The following DNM1L variants were observed in gnomAD, a reference collection of about 807,000 sequenced individuals.
DNM1L encodes dynamin-1-like protein.
A neutral mutation model predicts 92.8 loss-of-function variants in DNM1L; 33 were observed. The observed-to-expected ratio is 0.36, with a 90% CI of 0.27 to 0.48. DNM1L has a LOEUF of 0.48. Among genes scored for constraint, DNM1L ranks in the 20% least tolerant of loss-of-function variants. DNM1L has a pLI of 0.99. For synonymous variants in DNM1L, 284 were observed against 305.0 expected (o/e 0.93, Z 0.72); for missense variants, 485 against 888.8 (o/e 0.55, Z 5.78).
Position 32,731,657 on chromosome 12 carries a change from T to A in DNM1L, c.1356+146T>A. The A allele has an allele frequency of 6.2e-6, 7 of 1,132,628 alleles. No homozygotes were observed. The highest frequency in any genetic ancestry group is 8.9e-6 in the Non-Finnish European group (7 of 784,994). 70.2% of individuals were successfully genotyped at this position (1,132,628 alleles called of 1,614,324 possible). Reference sequence around the variant, plus strand: ...CTGAAAGTGATTTGAAATAGGATTCTTAAATGTAGTCTCCAAATTGAATTC... The same window carrying A: ...CTGAAAGTGATTTGAAATAGGATTCATAAATGTAGTCTCCAAATTGAATTC... On this transcript the variant is annotated intron_variant, in intron 11 of 19. Coordinates refer to ENST00000549701, the MANE Select transcript of DNM1L (RefSeq NM_012062.5). The surrounding 1 kb of genome is among the most constrained non-coding windows in gnomAD (Gnocchi z 5.1).
At position 32,685,088 on chromosome 12, in the gene DNM1L, C is replaced by T. The variant is rs1012894427; in HGVS notation, c.102+5623C>T. ...CCGAGTAGCTGGGACTGCAGGTGCC[C>T]GCTACCACGCCCAGCTAATTTTTTG... On this transcript the variant is annotated intron_variant, in intron 1 of 19. Transcript: ENST00000549701. Among the ~76,000 whole-genome samples, 22 of 151,696 alleles carry T rather than the reference C, an allele frequency of 1.5e-4. 1 individual carries two copies. Among genetic ancestry groups the T allele is most frequent in the African/African-American group, 4.6e-4 (19 of 41,286 alleles).
chr12:32,711,525 C>T (rs11052198), intron 5 of DNM1L, among the ~76,000 whole-genome samples: 23,381 of 152,016 alleles, frequency 0.15, 1,905 homozygotes, highest in Middle Eastern at 0.21. Context: ...AGTCTTCCCC[C>T]ATCGCAATAA....
At chr12:32,737,735 C>T in intron 14 of DNM1L, 130 bp from the exon 15 acceptor site, 1 of 750,618 alleles carries the variant, frequency 1.3e-6, no homozygotes. Flanking sequence ...AAACAATCTC[C>T]CATGATTATT....
intron 1 of DNM1L, among the ~76,000 whole-genome samples, chr12:32,685,085 G>A (rs1361085259): frequency 6.6e-6 from 1 of 151,734 alleles, no homozygotes; most frequent in Non-Finnish European, 1.5e-5. Context: ...GACTGCAGGT[G>A]CCCGCTACCA....
intron 6 of DNM1L, among the ~76,000 whole-genome samples, chr12:32,716,078 T>C (rs1364386158): frequency 6.6e-6 from 1 of 152,204 alleles, no homozygotes; most frequent in Non-Finnish European, 1.5e-5. Context: ...AGGAATGGAC[T>C]ATTAATATAC....
intron 1 of DNM1L, among the ~76,000 whole-genome samples, chr12:32,697,597 AC>A (rs1952521440): frequency 6.6e-6 from 1 of 152,206 alleles, no homozygotes; most frequent in Non-Finnish European, 1.5e-5. Flanking sequence ...GTCATTGAGA[AC>A]CACAGCTCTT....
chr12:32,737,850 AT>A lies in DNM1L; in HGVS notation c.1597-9del, dbSNP rs760411426. 4 of 1,612,598 alleles carry A rather than the reference AT, an allele frequency of 2.5e-6. No individual in the cohort carries two copies. The highest frequency in any genetic ancestry group is 3.4e-6 in the Non-Finnish European group (4 of 1,179,166). ...ATCCTTGATTTTTTTTCCCCCCTGGATTTTTTGCCTTTAGTCTTCTAAAGTT... is the reference window on the plus strand; with the variant it reads ...ATCCTTGATTTTTTTTCCCCCCTGGATTTTTGCCTTTAGTCTTCTAAAGTT... On this transcript the variant is annotated splice_polypyrimidine_tract_variant and intron_variant, in intron 14 of 19. Transcript: ENST00000549701.
At chr12:32,721,385 G>T (rs1953793901) in intron 8 of DNM1L, among the ~76,000 whole-genome samples, 1 of 151,990 alleles carries the variant, frequency 6.6e-6, no homozygotes, top group Admixed American at 6.6e-5. Context: ...TTTTCACTTT[G>T]CTGGGTACCA....
At chr12:32,697,181 A>G (rs1437934440) in intron 1 of DNM1L, among the ~76,000 whole-genome samples, 1 of 151,990 alleles carries the variant, frequency 6.6e-6, no homozygotes, top group Non-Finnish European at 1.5e-5. Flanking sequence ...GTGAGCCACG[A>G]TTATGCCATT....
At chr12:32,740,303 A>C in intron 17 of DNM1L, 63 bp downstream of exon 17, 1 of 1,612,570 alleles carries the variant, frequency 6.2e-7, no homozygotes, top group Non-Finnish European at 8.5e-7. Flanking sequence ...GAAAACGATT[A>C]GACAGAAAGA....
intron 2 of DNM1L, among the ~76,000 whole-genome samples, chr12:32,706,394 T>C (rs1382764741): frequency 1.3e-5 from 2 of 152,246 alleles, no homozygotes; most frequent in African/African-American, 4.8e-5. Flanking sequence ...TAAGATATTT[T>C]AACCTTCTCT....
Position 32,743,365 on chromosome 12 carries a change from A to G in DNM1L, c.2166A>G (p.Gly722=). ...TTCCTTTAATGCAGGCATTACAAGG[A>G]GCCAGTCAAATTATTGCTGAAATCC... ...EAADMLKALQ[G]ASQIIAEIRE... Residue 722 remains glycine, a synonymous_variant, in exon 20 of 20, where the codon GGA becomes GGG. Coordinates refer to ENST00000549701, the MANE Select transcript of DNM1L (RefSeq NM_012062.5). 6.2e-7 allele frequency: 1 copy of G among 1,613,980 alleles called. No individual in the cohort carries two copies. The highest frequency in any genetic ancestry group is 8.5e-7 in the Non-Finnish European group (1 of 1,179,992).
chr12:32,707,689 C>CAAGT (rs1952979371), intron 3 of DNM1L, among the ~76,000 whole-genome samples: 1 of 152,084 alleles, frequency 6.6e-6, no homozygotes, highest in African/African-American at 2.4e-5. Flanking sequence ...GTGGCTAATG[C>CAAGT]AAGTAATCCC....
intron 1 of DNM1L, among the ~76,000 whole-genome samples, chr12:32,687,394 T>C (rs1952058152): frequency 6.6e-6 from 1 of 152,088 alleles, no homozygotes; most frequent in Admixed American, 6.6e-5. Context: ...GAGAGACTGT[T>C]CTTTCCCCAT....
chr12:32,730,299 G>A (rs1052420905), intron 9 of DNM1L, among the ~76,000 whole-genome samples: 3 of 152,246 alleles, frequency 2.0e-5, no homozygotes, highest in Admixed American at 1.3e-4. Context: ...AGGAGGCGGA[G>A]GTTGCAGTAA....
Position 32,740,094 on chromosome 12 carries a change from G to T in DNM1L, c.1738G>T (p.Gly580Cys). 6.2e-7 allele frequency: 1 copy of T among 1,614,124 alleles called. No homozygotes were observed. Among genetic ancestry groups the T allele is most frequent in the African/African-American group, 1.3e-5 (1 of 75,028 alleles). ...VASGGGGVGD[G>C]VQEPTTGNWR... is the part of the protein sequence containing the mutation. ...ATCTGGAGGTGGTGGGGTTGGAGAT[G>T]GTGTTCAAGAACCAACCACAGGCAA... is the stretch of plus-strand genomic sequence containing the variant. The change falls in exon 17 of 20, where the codon GGT (glycine) becomes TGT (cysteine). Residue 580 changes from glycine to cysteine, a missense_variant. Gly to Cys is a radical substitution (Grantham distance 159, BLOSUM62 -3). Transcript: ENST00000549701.
At chr12:32,698,694 T>C (rs1375481104) in intron 1 of DNM1L, among the ~76,000 whole-genome samples, 4 of 147,726 alleles carry the variant, frequency 2.7e-5, no homozygotes, top group Non-Finnish European at 6.0e-5. Context: ...ATATACTGTA[T>C]AGAAAAATAA....
At chr12:32,718,944 AAG>A (rs886832570) in intron 7 of DNM1L, among the ~76,000 whole-genome samples, 181 bp downstream of exon 7, 1 of 150,316 alleles carries the variant, frequency 6.7e-6, no homozygotes, top group Non-Finnish European at 1.5e-5. Flanking sequence ...AAAGGGAGAA[AAG>A]AGAGAGAATT....
chr12:32,699,052 T>C lies in DNM1L; in HGVS notation c.103-2363T>C, dbSNP rs185229128. The stretch of plus-strand genomic sequence containing the variant: ...AAAAAAAAATCCTGAATGTGATCAT[T>C]GTATTGTGGTTCTATAGAAGAACGG... On this transcript the variant is annotated intron_variant, in intron 1 of 19. Coordinates refer to ENST00000549701, the MANE Select transcript of DNM1L (RefSeq NM_012062.5). 1.2e-4 allele frequency among the ~76,000 whole-genome samples: 18 copies of C among 152,106 alleles called. 1 individual carries two copies. Among genetic ancestry groups the C allele is most frequent in the Admixed American group, 1.2e-3 (18 of 15,274 alleles).
Sources: gnomAD v4.1 joint callset for allele counts (sites outside exome capture counted in the v4.1 genomes callset) on GRCh38, gnomAD v4.1.1 for gene constraint, Gnocchi (gnomAD v3.1) non-coding constraint, MANE v1.5 for transcripts, NCBI Gene and HGNC (gene_info 2026-07-23, HGNC 2026-07-21) for gene names.